The following NFIB variants were observed in gnomAD, a reference collection of about 807,000 sequenced individuals.
The protein encoded by NFIB is nuclear factor 1 B-type.
Under a neutral mutation model 61.5 loss-of-function variants are expected in NFIB, and 11 were observed. The observed-to-expected ratio is 0.18, with a 90% CI of 0.11 to 0.30. NFIB has a LOEUF of 0.30. Among genes scored for constraint, NFIB ranks in the 10% least tolerant of loss-of-function variants. The pLI, the probability that NFIB is intolerant of heterozygous loss-of-function variation, is 1.00. For synonymous variants in NFIB, 260 were observed against 216.5 expected, an observed-to-expected ratio of 1.20 and a Z score of -1.76; for missense variants, 471 against 608.9, an observed-to-expected ratio of 0.77 and a Z score of 2.38.
intron 6 of NFIB, among the ~76,000 whole-genome samples, chr9:14,129,583 T>C (rs1209655953): frequency 6.6e-6 from 1 of 152,102 alleles, no homozygotes; most frequent in African/African-American, 2.4e-5. Context: ...CATGCCAAGG[T>C]GAAAAATGAT....
At chr9:14,459,426 C>G in the NFIB span, among the ~76,000 whole-genome samples, 2 of 152,144 alleles carry the variant, frequency 1.3e-5, no homozygotes, top group African/African-American at 2.4e-5. Flanking sequence ...AGAAGAAAAC[C>G]TAGGCAATAC....
rs2060425635 is a variant in NFIB at position 14,314,115 on chromosome 9, T to A, written c.-604A>T. On this transcript the variant is annotated 5_prime_UTR_variant, in exon 1 of 11. Transcript: ENST00000380953. ...CTTTGCCGCGAGCCGACCATGTGTGTGCGCGAGGGGCAGCGTGAGCGAGTG... is the reference window on the plus strand; with the variant it reads ...CTTTGCCGCGAGCCGACCATGTGTGAGCGCGAGGGGCAGCGTGAGCGAGTG... 5 of 989,124 alleles carry A rather than the reference T, an allele frequency of 5.1e-6. No homozygotes were observed. The highest frequency in any genetic ancestry group is 6.0e-6 in the Non-Finnish European group (5 of 835,812). The allele number at this position is 989,124 out of a possible 1,614,324, so 61.3% of individuals were successfully genotyped here.
At chr9:14,474,374 C>T in the NFIB span, among the ~76,000 whole-genome samples, 1 of 152,130 alleles carries the variant, frequency 6.6e-6, no homozygotes, top group Non-Finnish European at 1.5e-5. Context: ...ATGACGGTTT[C>T]ATCCTCAAAA....
the NFIB span, among the ~76,000 whole-genome samples, chr9:14,459,585 A>G: frequency 1.0e-3 from 153 of 152,254 alleles, 1 homozygote; most frequent in African/African-American, 3.2e-3. Flanking sequence ...AAGGCAACCT[A>G]CAGAATGGGA....
chr9:14,168,595 GGAACCATACAAGGA>G lies in NFIB; in HGVS notation c.616+11118_616+11131del, dbSNP rs1432756883. On this transcript the variant is annotated intron_variant, in intron 3 of 10. Transcript: ENST00000380953. ...AGGCTTAGGCTAGAGTGGAGACCTT[GGAACCATACAAGGA>G]GGTGAATGAAATAATCAGATTTGCA... Among the ~76,000 whole-genome samples, 69 of 152,260 alleles carry G rather than the reference GGAACCATACAAGGA, an allele frequency of 4.5e-4. 2 individuals carry two copies. In the East Asian group the frequency reaches 0.01, roughly 22 times the overall value.
At chr9:14,484,751 G>C in the NFIB span, among the ~76,000 whole-genome samples, 1 of 152,232 alleles carries the variant, frequency 6.6e-6, no homozygotes, top group Non-Finnish European at 1.5e-5. Flanking sequence ...ATTCAGATTA[G>C]AGGATTAATG....
chr9:14,491,233 C>A, the NFIB span, among the ~76,000 whole-genome samples: 1 of 152,070 alleles, frequency 6.6e-6, no homozygotes, highest in Non-Finnish European at 1.5e-5. Flanking sequence ...CATATATGCA[C>A]ACAGTAAGCA....
At chr9:14,245,670 C>T (rs2132078298) in intron 2 of NFIB, among the ~76,000 whole-genome samples, 1 of 152,150 alleles carries the variant, frequency 6.6e-6, no homozygotes, top group East Asian at 1.9e-4. Context: ...ATCAGGAGTT[C>T]AAGACCAACC....
intron 2 of NFIB, among the ~76,000 whole-genome samples, chr9:14,244,686 T>C (rs913259512): frequency 3.9e-5 from 6 of 152,216 alleles, no homozygotes; most frequent in Non-Finnish European, 5.9e-5. Flanking sequence ...GAATTTGAAT[T>C]TGTATATCTA....
At chr9:14,385,777 G>T (rs576274601) in intron 1 of NFIB, among the ~76,000 whole-genome samples, 1 of 151,350 alleles carries the variant, frequency 6.6e-6, no homozygotes, top group East Asian at 1.9e-4. Context: ...CAGAGACACA[G>T]TGGAATCTTT....
chr9:14,512,611 G>A, the NFIB span, among the ~76,000 whole-genome samples: 82 of 152,098 alleles, frequency 5.4e-4, no homozygotes, highest in African/African-American at 1.7e-3. Context: ...TAATAAGTCC[G>A]CCAATTTATT....
the NFIB span, among the ~76,000 whole-genome samples, chr9:14,477,116 A>T: frequency 6.6e-6 from 1 of 152,218 alleles, no homozygotes. Flanking sequence ...AAATAATAGC[A>T]TCTAGCTGCA....
intron 1 of NFIB, among the ~76,000 whole-genome samples, chr9:14,322,530 T>C (rs2060687256): frequency 6.6e-6 from 1 of 151,924 alleles, no homozygotes; most frequent in Non-Finnish European, 1.5e-5. Flanking sequence ...CGGCCCGCGC[T>C]CCTCCTGCAG....
At chr9:14,219,179 A>G (rs1280826691) in intron 2 of NFIB, among the ~76,000 whole-genome samples, 1 of 152,088 alleles carries the variant, frequency 6.6e-6, no homozygotes, top group Non-Finnish European at 1.5e-5. Context: ...ACAACTCCCT[A>G]TCTGCCATGT....
chr9:14,417,774 G>GTT, the NFIB span, among the ~76,000 whole-genome samples: 4,150 of 91,394 alleles, frequency 0.045, 150 homozygotes, highest in African/African-American at 0.055. Context: ...CCTAGGAACA[G>GTT]TTTTTTTTTT....
intron 3 of NFIB, among the ~76,000 whole-genome samples, chr9:14,167,081 G>T (rs143561887): frequency 5.8e-5 from 2 of 34,448 alleles, no homozygotes. Flanking sequence ...GTGTGTGTGT[G>T]TCGGGGGGGG....
intron 3 of NFIB, among the ~76,000 whole-genome samples, chr9:14,161,758 T>C (rs2044230619): frequency 6.6e-6 from 1 of 152,178 alleles, no homozygotes; most frequent in African/African-American, 2.4e-5. Context: ...CAAATCTTTG[T>C]CAGCCATTCT....
Position 14,179,808 on chromosome 9 carries a change from CTTTTT to C in NFIB, c.563-33_563-29del, listed in dbSNP as rs762601931. 3.1e-6 allele frequency: 5 copies of C among 1,608,518 alleles called. No homozygotes were observed. In the African/African-American group the frequency reaches 6.7e-5, roughly 22 times the overall value. On this transcript the variant is annotated intron_variant, in intron 2 of 10. Coordinates refer to ENST00000380953, the MANE Select transcript of NFIB (RefSeq NM_001190737.2). ...GTAAAGAAATCACAGAAAATGTTTTCTTTTTAATTTGTTTTGAAAGAATTTCACAA... is the reference window on the plus strand; with the variant it reads ...GTAAAGAAATCACAGAAAATGTTTTCAATTTGTTTTGAAAGAATTTCACAA...
intron 8 of NFIB, among the ~76,000 whole-genome samples, chr9:14,118,972 C>G (rs1481100335): frequency 6.6e-6 from 1 of 151,754 alleles, no homozygotes; most frequent in African/African-American, 2.4e-5. Flanking sequence ...TTTTAATTTG[C>G]ATAATTTTTC....
Sources: gnomAD v4.1 joint callset for allele counts (sites outside exome capture counted in the v4.1 genomes callset) on GRCh38, gnomAD v4.1.1 for gene constraint, MANE v1.5 for transcripts, NCBI Gene and HGNC (gene_info 2026-07-23, HGNC 2026-07-21) for gene names.